The following NDUFA10 variants were observed in gnomAD, a reference collection of about 807,000 sequenced individuals.
NDUFA10 encodes the protein NADH dehydrogenase [ubiquinone] 1 alpha subcomplex subunit 10, mitochondrial.
Under a neutral mutation model 47.8 loss-of-function variants are expected in NDUFA10, and 40 were observed. The observed-to-expected ratio is 0.84, with a 90% CI of 0.65 to 1.09. NDUFA10 has a LOEUF of 1.09. NDUFA10 is among the 50% of genes least tolerant of loss of function. The probability of loss-of-function intolerance (pLI) is 0.00; values close to 1 mark genes in which losing one functional copy is unlikely to be tolerated. For synonymous variants in NDUFA10, 183 were observed against 172.2 expected (o/e 1.06, Z -0.49); for missense variants, 413 against 451.1 (o/e 0.92, Z 0.76).
chr2:239,979,333 G>A (rs1245567544), intron 9 of NDUFA10, among the ~76,000 whole-genome samples: 3 of 148,168 alleles, frequency 2.0e-5, no homozygotes, highest in African/African-American at 5.0e-5. Flanking sequence ...GGCTGAACTG[G>A]CTCCACCCCT....
chr2:239,949,126 T>C (rs13411444), intron 4 of NDUFA10, among the ~76,000 whole-genome samples: 83,410 of 152,120 alleles, frequency 0.55, 23,042 homozygotes, highest in East Asian at 0.67. Flanking sequence ...ACCAGGATAG[T>C]GTCGGGATTT....
chr2:239,992,984 A>T (rs1696314023), intron 8 of NDUFA10, among the ~76,000 whole-genome samples: 1 of 152,234 alleles, frequency 6.6e-6, no homozygotes, highest in Non-Finnish European at 1.5e-5. Flanking sequence ...ATGGTACTCA[A>T]ATGAAAATAA....
intron 3 of NDUFA10, among the ~76,000 whole-genome samples, chr2:240,020,648 T>C (rs1697582632): frequency 6.6e-6 from 1 of 152,188 alleles, no homozygotes; most frequent in Non-Finnish European, 1.5e-5. Flanking sequence ...CCTTTCTGCT[T>C]TGGATACCTT....
At chr2:240,008,250 C>T (rs955413270) in intron 6 of NDUFA10, among the ~76,000 whole-genome samples, 10 of 152,152 alleles carry the variant, frequency 6.6e-5, no homozygotes, top group Non-Finnish European at 1.0e-4. Flanking sequence ...AGTCATACAA[C>T]TGGATAACAG....
chr2:239,935,544 T>A (rs2106375804), intron 4 of NDUFA10, among the ~76,000 whole-genome samples: 1 of 152,334 alleles, frequency 6.6e-6, no homozygotes. Flanking sequence ...GGGGACTCCC[T>A]GGCTGTCTCA....
chr2:239,982,233 C>T (rs535234650), intron 9 of NDUFA10: 40 of 1,612,608 alleles, frequency 2.5e-5, no homozygotes, highest in Middle Eastern at 1.6e-4. Context: ...CAAGGTTAGA[C>T]GAAACAATTC....
At chr2:239,915,133 G>A (rs529928551) in intron 4 of NDUFA10, among the ~76,000 whole-genome samples, 1 of 107,068 alleles carries the variant, frequency 9.3e-6, no homozygotes, top group Admixed American at 9.9e-5. Context: ...CACATACACA[G>A]ACACACACAA....
intron 9 of NDUFA10, chr2:239,982,324 GAA>G: frequency 6.8e-7 from 1 of 1,461,358 alleles, no homozygotes; most frequent in Non-Finnish European, 9.2e-7. Context: ...AGCAAAACCT[GAA>G]CTCTTTTCTA....
intron 8 of NDUFA10, among the ~76,000 whole-genome samples, chr2:239,998,378 CA>C (rs1414546638): frequency 2.0e-5 from 3 of 152,204 alleles, no homozygotes; most frequent in Non-Finnish European, 4.4e-5. Context: ...GGTAAAAAAC[CA>C]CATCTCCTAG....
intron 4 of NDUFA10, among the ~76,000 whole-genome samples, chr2:239,905,638 G>GT (rs111833231): frequency 0.18 from 28,109 of 152,038 alleles, 2,773 homozygotes; most frequent in African/African-American, 0.26. Context: ...CTTCCCCTTG[G>GT]TTCGCGTGGT....
intron 9 of NDUFA10, among the ~76,000 whole-genome samples, chr2:239,963,016 A>C (rs933740837): frequency 6.6e-6 from 1 of 152,200 alleles, no homozygotes; most frequent in African/African-American, 2.4e-5. Flanking sequence ...CTGGAGGGAC[A>C]GACATCCTAA....
intron 6 of NDUFA10, 72 bp downstream of exon 6, chr2:240,011,544 TG>T: frequency 8.5e-7 from 1 of 1,176,484 alleles, no homozygotes; most frequent in South Asian, 1.2e-5. Flanking sequence ...GAAAACTCCC[TG>T]GGCTGTTGGG....
chr2:240,015,796 G>A (rs961536862), intron 4 of NDUFA10, among the ~76,000 whole-genome samples: 3 of 152,198 alleles, frequency 2.0e-5, no homozygotes, highest in Non-Finnish European at 2.9e-5. Context: ...AGCTTTTCAC[G>A]TGTGGAACCT....
chr2:239,932,650 G>C (rs1326963828), intron 4 of NDUFA10, among the ~76,000 whole-genome samples: 24 of 152,090 alleles, frequency 1.6e-4, no homozygotes, highest in African/African-American at 5.8e-4. Flanking sequence ...TGGGATCTCG[G>C]CTCACTGTAA....
At chr2:239,915,615 TAC>T (rs1231709444) in intron 4 of NDUFA10, among the ~76,000 whole-genome samples, 1 of 117,486 alleles carries the variant, frequency 8.5e-6, no homozygotes, top group African/African-American at 3.4e-5. Context: ...CACACACACA[TAC>T]ACAGACACAC....
Position 240,017,758 on chromosome 2 carries a change from G to A in NDUFA10, c.547+795C>T. The A allele has an allele frequency of 3.5e-6, 5 of 1,416,062 alleles. No individual in the cohort carries two copies. The South Asian group carries it at 4.9e-5, about 14-fold the overall frequency. 87.7% of individuals were successfully genotyped at this position (1,416,062 alleles called of 1,614,324 possible). A position where few individuals can be genotyped will look rare whatever the true frequency, so the allele number is the denominator to read the frequency against. Reference sequence around the variant, plus strand: ...CGGCAAGCTCACAGGTGGAGTACCGGCAACACCAGGACACACAAGCAGCCA... The same window carrying A: ...CGGCAAGCTCACAGGTGGAGTACCGACAACACCAGGACACACAAGCAGCCA... On this transcript the variant is annotated intron_variant, in intron 4 of 9. Transcript: ENST00000252711.
At chr2:239,904,572 G>C (rs1313749896) in intron 4 of NDUFA10, among the ~76,000 whole-genome samples, 1 of 152,214 alleles carries the variant, frequency 6.6e-6, no homozygotes, top group Non-Finnish European at 1.5e-5. Context: ...TGGGATTACA[G>C]CTGTCAGCCA....
At chr2:239,966,015 G>A (rs550483882) in intron 9 of NDUFA10, among the ~76,000 whole-genome samples, 16 of 152,288 alleles carry the variant, frequency 1.1e-4, no homozygotes, top group African/African-American at 3.9e-4. Context: ...GTTTACTGAA[G>A]GGAAAAAAAA....
At chr2:240,020,555 C>CTT (rs1697579163) in intron 3 of NDUFA10, among the ~76,000 whole-genome samples, 2 of 152,328 alleles carry the variant, frequency 1.3e-5, no homozygotes, top group African/African-American at 4.8e-5. Flanking sequence ...TGTTCATGCC[C>CTT]TTTCATCCAC....
Sources: allele counts gnomAD v4.1 joint callset (sites outside exome capture counted in the v4.1 genomes callset), GRCh38; gene constraint gnomAD v4.1.1; transcripts MANE v1.5; gene names NCBI Gene and HGNC (gene_info 2026-07-23, HGNC 2026-07-21).